The following ERN1 variants were observed in gnomAD, a reference collection of about 807,000 sequenced individuals.
ERN1 encodes serine/threonine-protein kinase/endoribonuclease IRE1.
Under a neutral mutation model 113.1 loss-of-function variants are expected in ERN1, and 39 were observed. The observed-to-expected ratio is 0.34, with a 90% CI of 0.27 to 0.45. The LOEUF (loss-of-function observed/expected upper bound fraction) is 0.45. Ranked by LOEUF, ERN1 falls within the 20% of genes least tolerant of loss-of-function variation. The pLI is 1.00. For synonymous variants in ERN1, 507 were observed against 515.9 expected (o/e 0.98, Z 0.23); for missense variants, 976 against 1,274.8 (o/e 0.77, Z 3.57).
intron 1 of ERN1, among the ~76,000 whole-genome samples, chr17:64,127,667 T>C (rs1481191621): frequency 1.3e-5 from 2 of 150,860 alleles, no homozygotes; most frequent in African/African-American, 4.9e-5. Context: ...GGCAGGAGAA[T>C]CGCTTGAACC....
At position 64,129,978 on chromosome 17, in the gene ERN1, C is replaced by T; in HGVS notation, c.52G>A (p.Gly18Arg). 1 of 1,449,268 alleles carries T rather than the reference C, an allele frequency of 6.9e-7. No homozygotes were observed. The highest frequency in any genetic ancestry group is 9.0e-7 in the Non-Finnish European group (1 of 1,106,628). The allele number at this position is 1,449,268 out of a possible 1,614,324, so 89.8% of individuals were successfully genotyped here. A position where few individuals can be genotyped will look rare whatever the true frequency, so the allele number is the denominator to read the frequency against. The change falls in exon 1 of 22, where the codon GGG (glycine) becomes AGG (arginine). Residue 18 changes from glycine (G) to arginine (R), a missense_variant and splice_region_variant. By Grantham distance (125) the Gly-to-Arg change is moderately radical. Coordinates refer to ENST00000433197, the MANE Select transcript of ERN1 (RefSeq NM_001433.5). The part of the protein sequence containing the change: ...LLLTLLLPGL[G>R]IFGSTSTVTL... ...CCCCACGCTCCCCGGTCACTCACCC[C>T]GAGGCCGGGCAGCAGCAGCGTCAGC...
Position 64,130,062 on chromosome 17 carries a change from A to G in ERN1, c.-33T>C. 1.5e-6 allele frequency: 2 copies of G among 1,373,138 alleles called. No individual in the cohort carries two copies. The highest frequency in any genetic ancestry group is 1.7e-5 in the South Asian group (1 of 58,936). The allele number at this position is 1,373,138 out of a possible 1,614,324, so 85.1% of individuals were successfully genotyped here. Reference sequence around the variant, plus strand: ...ACTCGGCCCTGGCTCCGGGGGCGGTACGGACAGAGGACGGGGCGGGGGCGC... The same window carrying G: ...ACTCGGCCCTGGCTCCGGGGGCGGTGCGGACAGAGGACGGGGCGGGGGCGC... On this transcript the variant is annotated 5_prime_UTR_variant, in exon 1 of 22. Transcript: ENST00000433197. This position sits in a 1 kb window ranked among gnomAD's most constrained non-coding sequence, Gnocchi z 4.0.
intron 1 of ERN1, among the ~76,000 whole-genome samples, chr17:64,119,376 G>GTTGTTTTTTGTTTT (rs777806993): frequency 2.6e-5 from 2 of 77,894 alleles, no homozygotes; most frequent in African/African-American, 1.1e-4. Context: ...TTTTTTCTAG[G>GTTGTTTTTTGTTTT]TTTTTTTTTT....
intron 3 of ERN1, 74 bp downstream of exon 3, chr17:64,080,701 A>C: frequency 7.2e-7 from 1 of 1,390,132 alleles, no homozygotes; most frequent in Non-Finnish European, 1.0e-6. Context: ...ACTCCCAGCA[A>C]CTGGCCTCAT....
chr17:64,055,724 G>C lies in ERN1; in HGVS notation c.1623C>G (p.Ser541Arg). 1 of 1,610,152 alleles carries C rather than the reference G, an allele frequency of 6.2e-7. No individual in the cohort carries two copies. ...RASNHSLCSG[S>R]SASKAGSSPS... ...GGCTGCTGCCAGCCTTGGAGGCAGA[G>C]CTGCCGGAGCAGAGCGAGTGGTTGG... Residue 541 changes from serine (S) to arginine (R), a missense_variant, in exon 13 of 22, where the codon AGC becomes AGG. By Grantham distance (110) the Ser-to-Arg change is moderately radical (BLOSUM62 -1). Around this residue, in one of 5 missense-constraint regions of ERN1, gnomAD observed 112 missense variants for 106.2 expected, o/e 1.05. Coordinates refer to ENST00000433197, the MANE Select transcript of ERN1 (RefSeq NM_001433.5).
intron 1 of ERN1, among the ~76,000 whole-genome samples, chr17:64,117,629 A>G (rs1914844420): frequency 6.6e-6 from 1 of 152,134 alleles, no homozygotes; most frequent in Admixed American, 6.5e-5. Flanking sequence ...ACATTACCCC[A>G]ACACTAAGTG....
intron 3 of ERN1, 50 bp downstream of exon 3, chr17:64,080,725 A>G (rs370504546): frequency 1.3e-6 from 2 of 1,570,274 alleles, no homozygotes; most frequent in Non-Finnish European, 1.7e-6. Context: ...CACTGATTGA[A>G]TGAAGAAGAC....
At chr17:64,099,838 G>C (rs1249072022) in intron 1 of ERN1, among the ~76,000 whole-genome samples, 1 of 152,164 alleles carries the variant, frequency 6.6e-6, no homozygotes, top group Non-Finnish European at 1.5e-5. Flanking sequence ...ACAGCTGCTA[G>C]AACTTTGCAC....
intron 2 of ERN1, among the ~76,000 whole-genome samples, chr17:64,083,703 C>T (rs1463135897): frequency 6.6e-6 from 1 of 152,170 alleles, no homozygotes; most frequent in African/African-American, 2.4e-5. Flanking sequence ...CACTGATCCC[C>T]TGGGAGCAGC....
chr17:64,115,926 C>A (rs1409569426), intron 1 of ERN1, among the ~76,000 whole-genome samples: 1 of 152,172 alleles, frequency 6.6e-6, no homozygotes, highest in African/African-American at 2.4e-5. Context: ...CTTCTAGCCC[C>A]AACCAATCAA....
chr17:64,113,427 C>T (rs1044324517), intron 1 of ERN1, among the ~76,000 whole-genome samples: 5 of 152,138 alleles, frequency 3.3e-5, no homozygotes, highest in Admixed American at 1.3e-4. Context: ...TCCAAGTATT[C>T]GCAGAGTTAA....
At chr17:64,106,866 A>C (rs1914545745) in intron 1 of ERN1, among the ~76,000 whole-genome samples, 1 of 152,166 alleles carries the variant, frequency 6.6e-6, no homozygotes, top group Non-Finnish European at 1.5e-5. Context: ...CATCAAAACA[A>C]CAGGAAGAAG....
intron 1 of ERN1, among the ~76,000 whole-genome samples, chr17:64,105,297 G>A (rs908656759): frequency 5.3e-5 from 8 of 151,672 alleles, no homozygotes; most frequent in Admixed American, 3.3e-4. Context: ...TTGTAGAGTC[G>A]GGAGTTTCAC....
intron 6 of ERN1, among the ~76,000 whole-genome samples, chr17:64,069,121 C>G (rs1464380229): frequency 6.6e-6 from 1 of 152,186 alleles, no homozygotes; most frequent in Non-Finnish European, 1.5e-5. Flanking sequence ...TCAACCAAAT[C>G]AAAGTTGAAG....
rs116527512 is a variant in ERN1 at position 64,094,517 on chromosome 17, G to A, written c.175+3604C>T. Among the ~76,000 whole-genome samples, 710 of 152,140 alleles carry A rather than the reference G, an allele frequency of 4.7e-3. 4 individuals are homozygous for A. Among genetic ancestry groups the A allele is most frequent in the African/African-American group, 0.016 (672 of 41,462 alleles). ...GTACATGTGAAGTAAAGGAAGCGCT[G>A]GGTCCCTCCTGCCCTGTATGACTGG... On this transcript the variant is annotated intron_variant, in intron 2 of 21. Coordinates refer to ENST00000433197, the MANE Select transcript of ERN1 (RefSeq NM_001433.5).
At chr17:64,055,648 T>C (rs929183243) in intron 13 of ERN1, 27 bp downstream of exon 13, 1 of 1,539,662 alleles carries the variant, frequency 6.5e-7, no homozygotes, top group East Asian at 2.3e-5. Flanking sequence ...AAACATAAAA[T>C]AGCACCAAGA....
chr17:64,094,384 C>T (rs1392891413), intron 2 of ERN1, among the ~76,000 whole-genome samples: 2 of 152,096 alleles, frequency 1.3e-5, no homozygotes, highest in East Asian at 3.8e-4. Context: ...AAAATACTTT[C>T]CTATTATTTG....
intron 1 of ERN1, among the ~76,000 whole-genome samples, chr17:64,107,431 C>G (rs1914558640): frequency 6.6e-6 from 1 of 152,152 alleles, no homozygotes; most frequent in Non-Finnish European, 1.5e-5. Context: ...AAGCGATTCT[C>G]CCACCTCAGC....
At position 64,123,240 on chromosome 17, in the gene ERN1, C is replaced by T. The variant is rs553017780; in HGVS notation, c.54+6736G>A. Among the ~76,000 whole-genome samples, 12 of 152,246 alleles carry T rather than the reference C, an allele frequency of 7.9e-5. No individual in the cohort carries two copies. The South Asian group carries it at 1.5e-3, about 18-fold the overall frequency. ...TACAAAGAATCTTATCTGTAGGAGGCGGGCCACCCTCAAAACCAGAGAATT... is the reference window on the plus strand; with the variant it reads ...TACAAAGAATCTTATCTGTAGGAGGTGGGCCACCCTCAAAACCAGAGAATT... On this transcript the variant is annotated intron_variant, in intron 1 of 21. Coordinates refer to ENST00000433197, the MANE Select transcript of ERN1 (RefSeq NM_001433.5).
Sources: gnomAD v4.1 joint callset for allele counts (sites outside exome capture counted in the v4.1 genomes callset) on GRCh38, gnomAD v4.1.1 for gene constraint, gnomAD v4.1.1 regional missense constraint, Gnocchi (gnomAD v3.1) non-coding constraint, MANE v1.5 for transcripts, NCBI Gene and HGNC (gene_info 2026-07-23, HGNC 2026-07-21) for gene names.